AGMO: variants seen among roughly 807,000 people sequenced by gnomAD.
The protein encoded by AGMO is glyceryl-ether monooxygenase.
AGMO carries 75 observed loss-of-function variants against 60.2 expected under a neutral mutation model. That is an observed-to-expected ratio of 1.25 (90% CI 1.03 to 1.51). The LOEUF (loss-of-function observed/expected upper bound fraction) is 1.51. Among genes scored for constraint, AGMO ranks in the 40% most tolerant of loss-of-function variants. The pLI is 0.00. For synonymous variants in AGMO, 261 were observed against 177.1 expected (o/e 1.47, Z -3.76); for missense variants, 763 against 525.5 (o/e 1.45, Z -4.42).
intron 12 of AGMO, among the ~76,000 whole-genome samples, chr7:15,339,887 GTTCA>G (rs1563095979): frequency 6.6e-6 from 1 of 152,088 alleles, no homozygotes; most frequent in Non-Finnish European, 1.5e-5. Context: ...AAATTGCTAT[GTTCA>G]TTATTAATAT....
At chr7:15,471,906 C>T (rs1164534511) in intron 3 of AGMO, among the ~76,000 whole-genome samples, 2 of 151,756 alleles carry the variant, frequency 1.3e-5, no homozygotes, top group African/African-American at 4.8e-5. Flanking sequence ...AGATTTCACT[C>T]TTGGAAGTCT....
intron 10 of AGMO, among the ~76,000 whole-genome samples, chr7:15,368,315 G>A (rs917322161): frequency 5.9e-5 from 9 of 151,586 alleles, no homozygotes; most frequent in Non-Finnish European, 1.3e-4. Context: ...TATTTTCCTG[G>A]TGGTAGAAGT....
chr7:15,261,361 C>T (rs1426413584), intron 12 of AGMO, among the ~76,000 whole-genome samples: 1 of 151,980 alleles, frequency 6.6e-6, no homozygotes, highest in Non-Finnish European at 1.5e-5. Context: ...TTATTCAATG[C>T]TACTATGAAC....
chr7:15,212,985 T>C (rs1435274865), intron 12 of AGMO, among the ~76,000 whole-genome samples: 1 of 151,988 alleles, frequency 6.6e-6, no homozygotes, highest in African/African-American at 2.4e-5. Flanking sequence ...GCATTTACAT[T>C]AGATCAGCAT....
intron 10 of AGMO, among the ~76,000 whole-genome samples, chr7:15,373,751 C>A (rs972018653): frequency 1.3e-5 from 2 of 152,014 alleles, no homozygotes; most frequent in Non-Finnish European, 2.9e-5. Context: ...ATAATATTTT[C>A]CATAATTTTA....
At chr7:15,385,355 A>G (rs1020442190) in intron 10 of AGMO, 91 bp downstream of exon 10, 16 of 861,956 alleles carry the variant, frequency 1.9e-5, no homozygotes, top group Non-Finnish European at 2.4e-5. Flanking sequence ...TACAGAGAAT[A>G]TATGACAGCC....
chr7:15,377,846 A>T (rs1783515354), intron 10 of AGMO, among the ~76,000 whole-genome samples: 1 of 151,988 alleles, frequency 6.6e-6, no homozygotes, highest in Non-Finnish European at 1.5e-5. Context: ...ACAAATATGA[A>T]GTCTAAGCAT....
chr7:15,148,549 G>T, the AGMO span, among the ~76,000 whole-genome samples: 1 of 151,860 alleles, frequency 6.6e-6, no homozygotes, highest in Non-Finnish European at 1.5e-5. Flanking sequence ...TGTACTCAAG[G>T]TTTAGTTCCC....
At chr7:15,474,564 T>C (rs1428744084) in intron 3 of AGMO, among the ~76,000 whole-genome samples, 1 of 152,156 alleles carries the variant, frequency 6.6e-6, no homozygotes, top group African/African-American at 2.4e-5. Context: ...GATTAAAGAC[T>C]TAAACGTAAA....
chr7:15,325,007 A>T (rs1015891813), intron 12 of AGMO, among the ~76,000 whole-genome samples: 5 of 152,276 alleles, frequency 3.3e-5, no homozygotes, highest in African/African-American at 4.8e-5. Flanking sequence ...TTAAAAAAAA[A>T]TTTTTGAGTT....
At chr7:15,388,177 A>C (rs1214019581) in intron 8 of AGMO, among the ~76,000 whole-genome samples, 3 of 152,210 alleles carry the variant, frequency 2.0e-5, no homozygotes, top group Admixed American at 1.3e-4. Context: ...ATAAAAAATA[A>C]TTTAAAATTG....
chr7:15,290,466 C>T (rs1563072086), intron 12 of AGMO, among the ~76,000 whole-genome samples: 1 of 152,164 alleles, frequency 6.6e-6, no homozygotes, highest in Non-Finnish European at 1.5e-5. Flanking sequence ...TGAAGGACTT[C>T]TTAAAGCCTA....
the AGMO span, among the ~76,000 whole-genome samples, chr7:15,150,193 A>G: frequency 6.6e-6 from 1 of 152,034 alleles, no homozygotes; most frequent in South Asian, 2.1e-4. Flanking sequence ...TTTCAGTTGT[A>G]GGAGCCTTTG....
chr7:15,307,699 T>C (rs1031229557), intron 12 of AGMO, among the ~76,000 whole-genome samples: 1 of 152,044 alleles, frequency 6.6e-6, no homozygotes, highest in African/African-American at 2.4e-5. Context: ...TCACCTAGTT[T>C]CCTAAGTTAC....
chr7:15,530,803 T>TAG lies in AGMO; in HGVS notation c.409+13968_409+13969insCT, dbSNP rs1472692261. Reference sequence around the variant, plus strand: ...TATATTCTATATATACATTTCTCTATATATTCTATATATACATTTCTATAT... The same window carrying TAG: ...TATATTCTATATATACATTTCTCTATAGATATTCTATATATACATTTCTATAT... On this transcript the variant is annotated intron_variant, in intron 3 of 12. Coordinates refer to ENST00000342526, the MANE Select transcript of AGMO (RefSeq NM_001004320.2). 2.5e-5 allele frequency among the ~76,000 whole-genome samples: 3 copies of TAG among 117,664 alleles called. 1 individual carries two copies. The highest frequency in any genetic ancestry group is 5.1e-5 in the Non-Finnish European group (3 of 59,224). The allele number at this position is 117,664 out of a possible 152,430, so 77.2% of individuals were successfully genotyped here. A position where few individuals can be genotyped will look rare whatever the true frequency, so the allele number is the denominator to read the frequency against.
chr7:15,487,315 A>C (rs895559042), intron 3 of AGMO, among the ~76,000 whole-genome samples: 3 of 152,172 alleles, frequency 2.0e-5, no homozygotes, highest in African/African-American at 7.2e-5. Context: ...TGGGGCAAAA[A>C]TAAGGAGGCC....
At chr7:15,311,047 G>A (rs1780756284) in intron 12 of AGMO, among the ~76,000 whole-genome samples, 1 of 152,008 alleles carries the variant, frequency 6.6e-6, no homozygotes, top group African/African-American at 2.4e-5. Flanking sequence ...ACATCTCAAG[G>A]TCAGCTGATT....
At chr7:15,493,274 A>G (rs1357917763) in intron 3 of AGMO, among the ~76,000 whole-genome samples, 1 of 141,626 alleles carries the variant, frequency 7.1e-6, no homozygotes, top group Non-Finnish European at 1.5e-5. Flanking sequence ...TGTTAGTCTC[A>G]TTCTTTCTTT....
intron 12 of AGMO, among the ~76,000 whole-genome samples, chr7:15,350,548 A>C (rs1053874965): frequency 1.3e-5 from 2 of 152,116 alleles, no homozygotes; most frequent in Non-Finnish European, 2.9e-5. Flanking sequence ...CTAGGAAGAA[A>C]ACTCACATTG....
Sources: gnomAD v4.1 joint callset for allele counts (sites outside exome capture counted in the v4.1 genomes callset) on GRCh38, gnomAD v4.1.1 for gene constraint, MANE v1.5 for transcripts, NCBI Gene and HGNC (gene_info 2026-07-23, HGNC 2026-07-21) for gene names.